LRRC7: variants seen among roughly 807,000 people sequenced by gnomAD.
The protein encoded by LRRC7 is leucine rich repeat containing 7.
Under a neutral mutation model 175.7 loss-of-function variants are expected in LRRC7, and 23 were observed. The observed-to-expected ratio is 0.13, with a 90% CI of 0.09 to 0.19. LRRC7 has a LOEUF of 0.19. LRRC7 is among the 10% of genes least tolerant of loss of function. The pLI, the probability that LRRC7 is intolerant of heterozygous loss-of-function variation, is 1.00. For synonymous variants in LRRC7, 685 were observed against 680.9 expected, an observed-to-expected ratio of 1.01 and a Z score of -0.09; for missense variants, 1,354 against 1,904.7, an observed-to-expected ratio of 0.71 and a Z score of 5.38.
chr1:69,932,831 A>G (rs1246236086), intron 8 of LRRC7, among the ~76,000 whole-genome samples: 1 of 152,202 alleles, frequency 6.6e-6, no homozygotes, highest in Admixed American at 6.5e-5. Flanking sequence ...CTCTGGCCTC[A>G]AGCTAGTTTT....
At chr1:69,917,014 A>C (rs1392166147) in intron 7 of LRRC7, among the ~76,000 whole-genome samples, 1 of 152,184 alleles carries the variant, frequency 6.6e-6, no homozygotes, top group Non-Finnish European at 1.5e-5. Context: ...AGGCAGGAGC[A>C]ACAGCAATAA....
intron 1 of LRRC7, chr1:69,607,921 A>C (rs1246989912): frequency 6.6e-6 from 1 of 152,184 alleles, no homozygotes; most frequent in Non-Finnish European, 1.5e-5. Context: ...CCCTTCCCAA[A>C]TGAACCTTGG....
chr1:70,142,818 A>C lies in LRRC7; in HGVS notation c.*20931A>C, dbSNP rs1187555903. The C allele has an allele frequency of 6.6e-6, 1 of 152,150 alleles. No individual in the cohort carries two copies. Among genetic ancestry groups the C allele is most frequent in the African/African-American group, 2.4e-5 (1 of 41,460 alleles). 9.4% of individuals were successfully genotyped at this position (152,150 alleles called of 1,614,324 possible). ...AAAGAAATATTAAACTAACATAAGC[A>C]ATTCTGAAGGAAGACAGTGGTAGGT... On this transcript the variant is annotated 3_prime_UTR_variant, in exon 27 of 27. Coordinates refer to ENST00000651989, the MANE Select transcript of LRRC7 (RefSeq NM_001370785.2).
At chr1:69,949,589 T>C (rs756898520) in intron 8 of LRRC7, among the ~76,000 whole-genome samples, 1 of 152,074 alleles carries the variant, frequency 6.6e-6, no homozygotes, top group African/African-American at 2.4e-5. Context: ...AGAATATAAA[T>C]ATTGTACATC....
intron 1 of LRRC7, among the ~76,000 whole-genome samples, chr1:69,592,723 C>T (rs1199306856): frequency 6.6e-6 from 1 of 152,000 alleles, no homozygotes; most frequent in Non-Finnish European, 1.5e-5. Flanking sequence ...TTTTCATTTA[C>T]CAGATATAAT....
intron 23 of LRRC7, among the ~76,000 whole-genome samples, chr1:70,065,089 A>G (rs1446350446): frequency 6.6e-6 from 1 of 151,916 alleles, no homozygotes; most frequent in Admixed American, 6.6e-5. Flanking sequence ...CACCAAAACT[A>G]CCTGTGAAAA....
At chr1:69,773,054 T>G (rs917257636) in intron 3 of LRRC7, among the ~76,000 whole-genome samples, 2 of 152,188 alleles carry the variant, frequency 1.3e-5, no homozygotes, top group Non-Finnish European at 2.9e-5. Flanking sequence ...CTACTTAAAA[T>G]GTTTTGTTGT....
rs1479930600 is a variant in LRRC7, at chr1:70,135,304, G to A, written c.*13417G>A. 1.3e-5 allele frequency among the ~76,000 whole-genome samples: 2 copies of A among 152,118 alleles called. No individual in the cohort carries two copies. Among genetic ancestry groups the A allele is most frequent in the Non-Finnish European group, 2.9e-5 (2 of 68,014 alleles). The stretch of plus-strand genomic sequence containing the variant: ...TATGATCATCTCCTCAAAGCACGGG[G>A]GCTTGTGGCTTATTCTTTTCACTTT... On this transcript the variant is annotated 3_prime_UTR_variant, in exon 27 of 27. Coordinates refer to ENST00000651989, the MANE Select transcript of LRRC7 (RefSeq NM_001370785.2).
At chr1:69,766,722 C>T (rs1671661306) in intron 3 of LRRC7, among the ~76,000 whole-genome samples, 1 of 152,092 alleles carries the variant, frequency 6.6e-6, no homozygotes, top group East Asian at 1.9e-4. Context: ...CATTCTCTTT[C>T]TTTTGCTAAG....
At chr1:69,882,985 T>G (rs1686791664) in intron 7 of LRRC7, among the ~76,000 whole-genome samples, 1 of 152,100 alleles carries the variant, frequency 6.6e-6, no homozygotes, top group African/African-American at 2.4e-5. Flanking sequence ...GGTGTATATG[T>G]GCCACATTTT....
chr1:69,726,650 G>T (rs1667013321), intron 2 of LRRC7, among the ~76,000 whole-genome samples: 1 of 152,032 alleles, frequency 6.6e-6, no homozygotes, highest in African/African-American at 2.4e-5. Context: ...AAAGCCAAGG[G>T]TATAAATGAG....
Position 70,140,044 on chromosome 1 carries a change from T to C in LRRC7, c.*18157T>C, listed in dbSNP as rs1391442538. The C allele has an allele frequency of 6.6e-6, 1 of 151,726 alleles. No individual in the cohort carries two copies. Among genetic ancestry groups the C allele is most frequent in the East Asian group, 1.9e-4 (1 of 5,194 alleles). 9.4% of individuals were successfully genotyped at this position (151,726 alleles called of 1,614,324 possible). A position where few individuals can be genotyped will look rare whatever the true frequency, so the allele number is the denominator to read the frequency against. On this transcript the variant is annotated 3_prime_UTR_variant, in exon 27 of 27. Coordinates refer to ENST00000651989, the MANE Select transcript of LRRC7 (RefSeq NM_001370785.2). Reference sequence around the variant, plus strand: ...ATAGATTTGCAAATGGTGGGTTTTTTCGTTTTTTTGTGTGTTGGAGTAATT... The same window carrying C: ...ATAGATTTGCAAATGGTGGGTTTTTCCGTTTTTTTGTGTGTTGGAGTAATT...
At chr1:69,692,259 C>G (rs1661983452) in intron 2 of LRRC7, among the ~76,000 whole-genome samples, 2 of 152,152 alleles carry the variant, frequency 1.3e-5, no homozygotes, top group African/African-American at 4.8e-5. Context: ...ATGCCCAGTT[C>G]TCCTCCAGTA....
intron 1 of LRRC7, among the ~76,000 whole-genome samples, chr1:69,594,274 G>A (rs1404517684): frequency 2.0e-5 from 3 of 152,024 alleles, no homozygotes; most frequent in African/African-American, 7.3e-5. Flanking sequence ...AACTCATTGA[G>A]ATAATTTATT....
intron 8 of LRRC7, among the ~76,000 whole-genome samples, chr1:69,968,484 C>T (rs1651885932): frequency 6.6e-6 from 1 of 152,158 alleles, no homozygotes; most frequent in South Asian, 2.1e-4. Flanking sequence ...GAGATCATCA[C>T]CCAGGCACAC....
At chr1:70,045,887 G>A (rs1309568019) in intron 22 of LRRC7, among the ~76,000 whole-genome samples, 1 of 152,062 alleles carries the variant, frequency 6.6e-6, no homozygotes, top group Non-Finnish European at 1.5e-5. Flanking sequence ...ATTACCATGA[G>A]AACAGTATGG....
intron 2 of LRRC7, among the ~76,000 whole-genome samples, chr1:69,753,138 T>C (rs1015679938): frequency 6.6e-6 from 1 of 152,092 alleles, no homozygotes; most frequent in African/African-American, 2.4e-5. Context: ...CTCAACTCAG[T>C]TTCTGAAACA....
chr1:69,840,573 A>G (rs998942844), intron 7 of LRRC7, among the ~76,000 whole-genome samples: 3 of 152,082 alleles, frequency 2.0e-5, no homozygotes, highest in African/African-American at 7.2e-5. Context: ...ATAATATAAC[A>G]TACATGAAGA....
At chr1:69,728,342 CA>C (rs200240144) in intron 2 of LRRC7, among the ~76,000 whole-genome samples, 5 of 150,424 alleles carry the variant, frequency 3.3e-5, no homozygotes, top group Admixed American at 6.6e-5. Context: ...ACCATATAAA[CA>C]AAAAAAAAGT....
Sources: gnomAD v4.1 joint callset for allele counts (sites outside exome capture counted in the v4.1 genomes callset) on GRCh38, gnomAD v4.1.1 for gene constraint, MANE v1.5 for transcripts, NCBI Gene and HGNC (gene_info 2026-07-23, HGNC 2026-07-21) for gene names.